Variants in SEC31B observed in about 807,000 individuals in gnomAD.
The protein encoded by SEC31B is SEC31 homolog B, COPII component.
In SEC31B, 113 loss-of-function variants were observed where a neutral mutation model predicts 135.0. The ratio of observed to expected loss-of-function variants is 0.84; its 90% confidence interval spans 0.72 to 0.98. The LOEUF (loss-of-function observed/expected upper bound fraction) is 0.98. SEC31B is among the 50% of genes least tolerant of loss of function. The probability of loss-of-function intolerance (pLI) is 0.00; values close to 1 mark genes in which losing one functional copy is unlikely to be tolerated. For missense variants in SEC31B, 1,296 were observed against 1,421.1 expected (o/e 0.91, Z 1.42); for synonymous variants, 508 against 549.4 (o/e 0.92, Z 1.05).
chr10:100,509,219 G>A (rs1441043848), intron 4 of SEC31B, 97 bp downstream of exon 4: 1 of 1,491,844 alleles, frequency 6.7e-7, no homozygotes, highest in East Asian at 2.3e-5. Context: ...AGCCTGGAAA[G>A]GGGTCAGAGT....
Position 100,487,755 on chromosome 10 carries a change from C to T in SEC31B, c.3401G>A (p.Arg1134Gln), listed in dbSNP as rs149714301. ...CTCAAAGCTTCCTGCATCCACACAT[C>T]GGGCAACCTCATGGAGCCCAGCCAC... is the stretch of plus-strand genomic sequence containing the variant. ...HVVAGLHEVARCVDAGSFEQG... is the reference protein window; with the variant it reads ...HVVAGLHEVAQCVDAGSFEQG... Residue 1134 changes from arginine (R) to glutamine (Q), a missense_variant, in exon 26 of 26, where the codon CGA (arginine) becomes CAA (glutamine). Physicochemically the swap from Arg to Gln is conservative, Grantham distance 43. Coordinates refer to ENST00000370345, the MANE Select transcript of SEC31B (RefSeq NM_015490.4). 2.6e-5 allele frequency: 42 copies of T among 1,614,036 alleles called. No homozygotes were observed. The African/African-American group carries it at 3.1e-4, about 12-fold the overall frequency.
rs1564649216 is a variant in SEC31B, at chr10:100,495,432, A to G, written c.2425T>C (p.Ser809Pro). 1 of 1,614,044 alleles carries G rather than the reference A, an allele frequency of 6.2e-7. No individual in the cohort carries two copies. The highest frequency in any genetic ancestry group is 8.5e-7 in the Non-Finnish European group (1 of 1,180,012). ...AATCTGTAAGATGATGTCTCTTTAG[A>G]GTGGAGGGTAGCTCCCACAACAATC... is the stretch of plus-strand genomic sequence containing the variant. The part of the protein sequence containing the change: ...PRIVVGATLH[S>P]KETSSYRLGS... The change falls in exon 19 of 26, where the codon TCT becomes CCT. Residue 809 changes from serine (S) to proline (P), a missense_variant. Coordinates refer to ENST00000370345, the MANE Select transcript of SEC31B (RefSeq NM_015490.4).
At chr10:100,508,469 A>G (rs1227356934) in intron 5 of SEC31B, 2 of 466,894 alleles carry the variant, frequency 4.3e-6, no homozygotes, top group African/African-American at 4.0e-5. Context: ...ACCTCATGAT[A>G]CTGTAAGCAC....
In SEC31B at chr10:100,507,555, C is replaced by A; in HGVS notation, c.652G>T (p.Gly218Cys). 1 of 1,614,206 alleles carries A rather than the reference C, an allele frequency of 6.2e-7. No homozygotes were observed. The highest frequency in any genetic ancestry group is 8.5e-7 in the Non-Finnish European group (1 of 1,180,028). The change falls in exon 7 of 26, where the codon GGC becomes TGC. Residue 218 changes from glycine (G) to cysteine (C), a missense_variant. Physicochemically the swap from Gly to Cys is radical, Grantham distance 159. Transcript: ENST00000370345. ...SDHSNRMHCS[G>C]LAWHPDIATQ... ...GCTATGTCAGGATGCCAGGCCAGGC[C>A]TGAGCAGTGCATCTGTGAACAAAGC...
chr10:100,488,816 G>A (rs372215371), intron 24 of SEC31B, 42 bp downstream of exon 24: 47 of 1,532,300 alleles, frequency 3.1e-5, no homozygotes, highest in Middle Eastern at 1.8e-4. Flanking sequence ...TGGAGCCAGC[G>A]AGGGGTGCGA....
intron 3 of SEC31B, among the ~76,000 whole-genome samples, chr10:100,515,032 CTA>C (rs1163944355): frequency 6.6e-6 from 1 of 151,454 alleles, no homozygotes; most frequent in Non-Finnish European, 1.5e-5. Context: ...TGGCTCACAC[CTA>C]TAGTCCCAGC....
chr10:100,516,280 A>T, intron 2 of SEC31B, 61 bp from the exon 3 acceptor site: 1 of 1,568,218 alleles, frequency 6.4e-7, no homozygotes, highest in Non-Finnish European at 8.7e-7. Flanking sequence ...AGGTATAAGA[A>T]GGTTAAGGAG....
At chr10:100,505,578 A>G (rs1375479171) in intron 9 of SEC31B, 83 bp from the exon 10 acceptor site, 16 of 1,495,816 alleles carry the variant, frequency 1.1e-5, no homozygotes, top group Non-Finnish European at 1.4e-5. Flanking sequence ...TTTTGGGAGG[A>G]ATCCTTGAGA....
intron 3 of SEC31B, among the ~76,000 whole-genome samples, chr10:100,513,201 T>C (rs1851765439): frequency 1.3e-5 from 2 of 152,202 alleles, no homozygotes; most frequent in African/African-American, 4.8e-5. Flanking sequence ...CCCTTTGGGA[T>C]TGAGGTCTTT....
intron 19 of SEC31B, 190 bp downstream of exon 19, chr10:100,495,194 AT>A: frequency 1.6e-6 from 1 of 613,122 alleles, no homozygotes; most frequent in South Asian, 1.8e-5. Context: ...AAGTATCACA[AT>A]TTTTGCACCT....
intron 22 of SEC31B, 64 bp downstream of exon 22, chr10:100,489,639 C>T (rs910813691): frequency 1.2e-6 from 2 of 1,610,190 alleles, no homozygotes; most frequent in Admixed American, 1.7e-5. Context: ...CTGAATCCTC[C>T]AAGGAATTAG....
chr10:100,499,869 G>C (rs937750794), intron 11 of SEC31B, among the ~76,000 whole-genome samples: 2 of 152,210 alleles, frequency 1.3e-5, no homozygotes, highest in Admixed American at 1.3e-4. Context: ...AGTCTGGTGA[G>C]AGTAAAATGT....
intron 5 of SEC31B, 95 bp from the exon 6 acceptor site, chr10:100,508,146 C>T: frequency 6.8e-7 from 1 of 1,470,688 alleles, no homozygotes; most frequent in Non-Finnish European, 9.4e-7. Context: ...CACAGCAAGT[C>T]CAAGAATAGA....
chr10:100,500,196 G>C, intron 11 of SEC31B: 1 of 456,642 alleles, frequency 2.2e-6, no homozygotes, highest in South Asian at 1.5e-5. Context: ...CATGACTGCT[G>C]AAAGGGCTCC....
chr10:100,510,495 C>T (rs745415023), intron 3 of SEC31B, among the ~76,000 whole-genome samples: 12 of 152,202 alleles, frequency 7.9e-5, no homozygotes, highest in Non-Finnish European at 1.3e-4. Flanking sequence ...TCTGCAAAGC[C>T]CCTACGGAAG....
intron 19 of SEC31B, among the ~76,000 whole-genome samples, chr10:100,493,759 G>T (rs940642948): frequency 2.0e-5 from 3 of 152,160 alleles, no homozygotes; most frequent in Non-Finnish European, 4.4e-5. Flanking sequence ...ATGTAAAACT[G>T]GTGGAGACTG....
chr10:100,514,092 G>C (rs945035656), intron 3 of SEC31B, among the ~76,000 whole-genome samples: 6 of 152,030 alleles, frequency 3.9e-5, no homozygotes, highest in Non-Finnish European at 8.8e-5. Context: ...GGCTGAGGCA[G>C]GAGAACTGCT....
intron 13 of SEC31B, 33 bp from the exon 14 acceptor site, chr10:100,498,837 G>T: frequency 6.6e-7 from 1 of 1,509,096 alleles, no homozygotes; most frequent in Non-Finnish European, 9.2e-7. Flanking sequence ...GACTACTTAG[G>T]GATGAACCCA....
intron 21 of SEC31B, 36 bp downstream of exon 21, chr10:100,489,972 T>TAACCCAGAAGAGGG (rs1240818664): frequency 6.5e-7 from 1 of 1,532,146 alleles, no homozygotes; most frequent in South Asian, 1.3e-5. Flanking sequence ...GGGGAGGCAA[T>TAACCCAGAAGAGGG]AACCCAGAAG....
Sources: gnomAD v4.1 joint callset for allele counts (sites outside exome capture counted in the v4.1 genomes callset) on GRCh38, gnomAD v4.1.1 for gene constraint, MANE v1.5 for transcripts, NCBI Gene and HGNC (gene_info 2026-07-23, HGNC 2026-07-21) for gene names.